The following SPRED2 variants were observed in gnomAD, a reference collection of about 807,000 sequenced individuals.
The protein encoded by SPRED2 is sprouty-related, EVH1 domain-containing protein 2.
A neutral mutation model predicts 43.0 loss-of-function variants in SPRED2; 47 were observed. The observed-to-expected ratio is 1.09, with a 90% CI of 0.87 to 1.40. SPRED2 has a LOEUF of 1.40. SPRED2 is among the 40% of genes most tolerant of loss of function. The pLI, the probability that SPRED2 is intolerant of heterozygous loss-of-function variation, is 0.00. For missense variants in SPRED2, 561 were observed against 586.4 expected (o/e 0.96, Z 0.45); for synonymous variants, 225 against 225.7 (o/e 1.00, Z 0.03).
At chr2:65,431,347 G>A (rs1048375952) in intron 1 of SPRED2, among the ~76,000 whole-genome samples, 4 of 151,526 alleles carry the variant, frequency 2.6e-5, no homozygotes, top group Non-Finnish European at 5.9e-5. Context: ...AGGCACTCAC[G>A]CGCCGCGGGG....
intron 4 of SPRED2, among the ~76,000 whole-genome samples, chr2:65,322,270 C>CTATATA (rs68086040): frequency 7.4e-4 from 27 of 36,460 alleles, no homozygotes; most frequent in African/African-American, 2.2e-3. Context: ...CTCTCTCTCT[C>CTATATA]TATATATATA....
intron 1 of SPRED2, among the ~76,000 whole-genome samples, chr2:65,414,917 G>A (rs1252662804): frequency 6.6e-6 from 1 of 152,092 alleles, no homozygotes; most frequent in Non-Finnish European, 1.5e-5. Flanking sequence ...TTTCAGGAGG[G>A]AAGTGTTTCT....
At chr2:65,338,469 T>C (rs1674050259) in intron 2 of SPRED2, among the ~76,000 whole-genome samples, 1 of 151,164 alleles carries the variant, frequency 6.6e-6, no homozygotes, top group East Asian at 2.0e-4. Context: ...GACTGGTTTT[T>C]GTGTTTTTTT....
At position 65,370,856 on chromosome 2, in the gene SPRED2, T is replaced by C. The variant is rs114280835; in HGVS notation, c.27-25960A>G. Reference sequence around the variant, plus strand: ...GTCCAGTGATTCCAGCTGAAGTGTATGAGTCCACAGCCATCCTCCCCTCCC... The same window carrying C: ...GTCCAGTGATTCCAGCTGAAGTGTACGAGTCCACAGCCATCCTCCCCTCCC... On this transcript the variant is annotated intron_variant, in intron 1 of 5. Transcript: ENST00000356388. Among the ~76,000 whole-genome samples the C allele has an allele frequency of 1.7e-3, 259 of 152,214 alleles. 2 individuals are homozygous for C. The highest frequency in any genetic ancestry group is 2.6e-3 in the Non-Finnish European group (175 of 68,022).
At chr2:65,411,527 G>A (rs908733009) in intron 1 of SPRED2, among the ~76,000 whole-genome samples, 1 of 152,174 alleles carries the variant, frequency 6.6e-6, no homozygotes, top group African/African-American at 2.4e-5. Context: ...GAAGGGACTT[G>A]TGAAATTAAG....
Position 65,313,961 on chromosome 2 carries a change from T to C in SPRED2, c.797A>G (p.Tyr266Cys). Residue 266 changes from tyrosine (Y) to cysteine (C), a missense_variant, in exon 6 of 6, where the codon TAC (tyrosine) becomes TGC (cysteine). Around this residue, in one of 6 missense-constraint regions of SPRED2, gnomAD observed 164 missense variants for 164.1 expected, o/e 1.00. Coordinates refer to ENST00000356388, the MANE Select transcript of SPRED2 (RefSeq NM_181784.3). ...AAAGTCTGAGGAGTCCACGTAGGGG[T>C]AGTTGTAGTCATGCTTGGGGACCTC... ...KGEVPKHDYN[Y>C]PYVDSSDFGL... 1 of 1,612,056 alleles carries C rather than the reference T, an allele frequency of 6.2e-7. No homozygotes were observed.
At chr2:65,363,176 T>C (rs1320988551) in intron 1 of SPRED2, among the ~76,000 whole-genome samples, 1 of 146,442 alleles carries the variant, frequency 6.8e-6, no homozygotes, top group African/African-American at 2.5e-5. Flanking sequence ...GAGGCGTAGG[T>C]TGCAGTGAGC....
chr2:65,378,236 A>AT (rs1272064392), intron 1 of SPRED2: 3 of 153,038 alleles, frequency 2.0e-5, no homozygotes, highest in Non-Finnish European at 2.9e-5. Context: ...GTATAAAGGT[A>AT]TTTTTCAGAC....
intron 4 of SPRED2, among the ~76,000 whole-genome samples, chr2:65,323,364 G>A (rs983783830): frequency 2.0e-5 from 3 of 152,162 alleles, no homozygotes; most frequent in South Asian, 2.1e-4. Flanking sequence ...CAAGCTCTGT[G>A]TGACCTGGTT....
intron 1 of SPRED2, among the ~76,000 whole-genome samples, chr2:65,385,947 A>G (rs541028599): frequency 2.0e-5 from 3 of 152,272 alleles, no homozygotes; most frequent in Middle Eastern, 3.4e-3. Context: ...GATCATGCCC[A>G]TGGGAGATGG....
chr2:65,380,553 C>G (rs1257130569), intron 1 of SPRED2: 4 of 152,178 alleles, frequency 2.6e-5, no homozygotes, highest in African/African-American at 9.7e-5. Flanking sequence ...TGGCTCAAAG[C>G]TTGTTCTGGA....
At chr2:65,353,202 G>A (rs570613356) in intron 1 of SPRED2, among the ~76,000 whole-genome samples, 35 of 152,300 alleles carry the variant, frequency 2.3e-4, no homozygotes, top group African/African-American at 8.4e-4. Context: ...GAATCTATGA[G>A]TAAAGCCAGT....
At chr2:65,342,607 T>C (rs1028714110) in intron 2 of SPRED2, among the ~76,000 whole-genome samples, 1 of 152,092 alleles carries the variant, frequency 6.6e-6, no homozygotes, top group African/African-American at 2.4e-5. Context: ...TCCAAAACTA[T>C]AATAAACGTG....
rs531519703 is a variant in SPRED2, at chr2:65,327,930, G to C, written c.438+4057C>G. On this transcript the variant is annotated intron_variant, in intron 4 of 5. Transcript: ENST00000356388. ...GTAGAGATGGGGTTTCACCATGTTG[G>C]CCAGGCTGGTCTTGAATTGCTGACC... Among the ~76,000 whole-genome samples, 5 of 151,682 alleles carry C rather than the reference G, an allele frequency of 3.3e-5. No individual in the cohort carries two copies. The East Asian group carries it at 7.8e-4, about 24-fold the overall frequency.
intron 1 of SPRED2, among the ~76,000 whole-genome samples, chr2:65,354,082 C>A (rs1418299544): frequency 6.6e-6 from 1 of 152,192 alleles, no homozygotes; most frequent in Non-Finnish European, 1.5e-5. Context: ...AAGTTAAACA[C>A]GTAAGCTTTA....
chr2:65,423,329 A>G (rs951091481), intron 1 of SPRED2, among the ~76,000 whole-genome samples: 2 of 152,212 alleles, frequency 1.3e-5, no homozygotes, highest in Non-Finnish European at 2.9e-5. Flanking sequence ...CAAGGATGCT[A>G]TTACAGGTAG....
At chr2:65,374,324 A>G (rs1383900866) in intron 1 of SPRED2, among the ~76,000 whole-genome samples, 1 of 152,244 alleles carries the variant, frequency 6.6e-6, no homozygotes, top group Admixed American at 6.5e-5. Flanking sequence ...GACCAAGCAC[A>G]CTTGATGGAA....
intron 2 of SPRED2, among the ~76,000 whole-genome samples, chr2:65,336,529 T>C (rs1208881522): frequency 6.6e-6 from 1 of 152,226 alleles, no homozygotes; most frequent in Non-Finnish European, 1.5e-5. Context: ...CATAATTCTA[T>C]TTATGATTAA....
chr2:65,406,749 G>A (rs1343780326), intron 1 of SPRED2, among the ~76,000 whole-genome samples: 1 of 152,134 alleles, frequency 6.6e-6, no homozygotes, highest in African/African-American at 2.4e-5. Flanking sequence ...ACCCTTGCAG[G>A]AAGCTAACCT....
Sources: gnomAD v4.1 joint callset for allele counts (sites outside exome capture counted in the v4.1 genomes callset) on GRCh38, gnomAD v4.1.1 for gene constraint, gnomAD v4.1.1 regional missense constraint, MANE v1.5 for transcripts, NCBI Gene and HGNC (gene_info 2026-07-23, HGNC 2026-07-21) for gene names.